Variants in PCDHGA2 observed in about 807,000 individuals in gnomAD.
PCDHGA2 encodes the protein protocadherin gamma-A2.
Under a neutral mutation model 59.2 loss-of-function variants are expected in PCDHGA2, and 40 were observed. The ratio of observed to expected loss-of-function variants is 0.68; its 90% CI spans 0.52 to 0.88. The LOEUF is 0.88. Ranked by LOEUF, PCDHGA2 falls within the 40% of genes least tolerant of loss-of-function variation. The pLI is 0.00. For missense variants in PCDHGA2, 1,226 were observed against 1,204.0 expected (o/e 1.02, Z -0.27); for synonymous variants, 560 against 526.0 (o/e 1.06, Z -0.89).
At chr5:141,416,717 A>G (rs1227713508) in intron 1 of PCDHGA2, 1 of 152,256 alleles carries the variant, frequency 6.6e-6, no homozygotes, top group Admixed American at 6.5e-5. Flanking sequence ...GGTACTGATG[A>G]GTTCATTTAG....
chr5:141,371,768 C>G, intron 1 of PCDHGA2: 1 of 1,614,032 alleles, frequency 6.2e-7, no homozygotes, highest in East Asian at 2.2e-5. Flanking sequence ...CCTCCTACAC[C>G]GTGCATGTAG....
chr5:141,392,649 C>G, intron 1 of PCDHGA2: 1 of 703,200 alleles, frequency 1.4e-6, no homozygotes, highest in Non-Finnish European at 2.2e-6. Flanking sequence ...CACGAAGACC[C>G]GCAGATGCCA....
rs2099697431 is a variant in PCDHGA2 at position 141,490,222 on chromosome 5, C to T, written c.2425-4585C>T. The T allele has an allele frequency of 6.2e-7, 1 of 1,614,094 alleles. No homozygotes were observed. Among genetic ancestry groups the T allele is most frequent in the African/African-American group, 1.3e-5 (1 of 74,934 alleles). On this transcript the variant is annotated intron_variant, in intron 1 of 3. Coordinates refer to ENST00000394576, the MANE Select transcript of PCDHGA2 (RefSeq NM_018915.4). This position sits in a 1 kb window ranked among gnomAD's most constrained non-coding sequence, Gnocchi z 5.4. The stretch of plus-strand genomic sequence containing the variant: ...TGCAAGAGCCCGTGACCAGGGACAG[C>T]CTGCCATGGAGGGCCACTGTGTGAT...
At chr5:141,421,218 A>G (rs969154252) in intron 1 of PCDHGA2, 1 of 1,570,664 alleles carries the variant, frequency 6.4e-7, no homozygotes, top group Admixed American at 1.9e-5. Flanking sequence ...ATATCGGCTT[A>G]GAGCCTGCCA....
intron 1 of PCDHGA2, chr5:141,383,918 T>A (rs1779590334): frequency 3.7e-6 from 6 of 1,613,948 alleles, no homozygotes; most frequent in Non-Finnish European, 5.1e-6. Flanking sequence ...GTTTTAGATG[T>A]AAATGATAAT....
rs766164142 is a variant in PCDHGA2, at chr5:141,477,910, G to A, written c.2425-16897G>A. On this transcript the variant is annotated intron_variant, in intron 1 of 3. Transcript: ENST00000394576. The surrounding 1 kb of genome is among the most constrained non-coding windows in gnomAD (Gnocchi z 4.9). ...TGTCACGGGTGGTAGGCTGGGACGC[G>A]GATGCAGGGCACAATGCCTGGCTCT... 6.2e-7 allele frequency: 1 copy of A among 1,614,166 alleles called. No individual in the cohort carries two copies. Among genetic ancestry groups the A allele is most frequent in the Admixed American group, 1.7e-5 (1 of 60,020 alleles).
intron 1 of PCDHGA2, chr5:141,426,833 G>T: frequency 2.2e-6 from 1 of 456,680 alleles, no homozygotes; most frequent in Non-Finnish European, 4.4e-6. Flanking sequence ...TGATGGACAA[G>T]ACTAAAGGCA....
At chr5:141,434,807 A>G (rs2097718601) in intron 1 of PCDHGA2, among the ~76,000 whole-genome samples, 1 of 152,016 alleles carries the variant, frequency 6.6e-6, no homozygotes, top group South Asian at 2.1e-4. Context: ...AGCTTGGAGA[A>G]ATATATCCCT....
At chr5:141,371,875 G>T in intron 1 of PCDHGA2, 1 of 1,613,506 alleles carries the variant, frequency 6.2e-7, no homozygotes, top group Non-Finnish European at 8.5e-7. Context: ...ATCGTGGCCA[G>T]TGACCTGGAG....
chr5:141,364,186 T>A, intron 1 of PCDHGA2: 18 of 1,005,938 alleles, frequency 1.8e-5, no homozygotes, highest in Non-Finnish European at 2.5e-5. Flanking sequence ...CCCTCCATAC[T>A]AAACACACAG....
chr5:141,511,342 C>T lies in PCDHGA2; in HGVS notation c.*169C>T. On this transcript the variant is annotated 3_prime_UTR_variant, in exon 4 of 4. Transcript: ENST00000394576. The stretch of plus-strand genomic sequence containing the variant: ...AACAAGTGCCCAGTCAGCACCTACC[C>T]CTTCCCCCCCAGGGGGTTGAATATG... The T allele has an allele frequency of 7.0e-7, 1 of 1,425,078 alleles. No individual in the cohort carries two copies. Among genetic ancestry groups the T allele is most frequent in the East Asian group, 2.5e-5 (1 of 40,014 alleles). 88.3% of individuals were successfully genotyped at this position (1,425,078 alleles called of 1,614,324 possible). A position where few individuals can be genotyped will look rare whatever the true frequency, so the allele number is the denominator to read the frequency against.
Position 141,476,591 on chromosome 5 carries a change from G to T in PCDHGA2, c.2425-18216G>T, listed in dbSNP as rs200254399. The T allele has an allele frequency of 6.2e-7, 1 of 1,614,230 alleles. No homozygotes were observed. The highest frequency in any genetic ancestry group is 8.5e-7 in the Non-Finnish European group (1 of 1,180,046). On this transcript the variant is annotated intron_variant, in intron 1 of 3. Transcript: ENST00000394576. The surrounding 1 kb of genome is among the most constrained non-coding windows in gnomAD (Gnocchi z 7.6). The stretch of plus-strand genomic sequence containing the variant: ...GGGGACGCGCTTTCCGCTCGAGAGC[G>T]CGCACGATCCCGATGTGGGAAGCAA...
In PCDHGA2 at chr5:141,476,477, G is replaced by T. The variant is rs768824553; in HGVS notation, c.2425-18330G>T. The T allele has an allele frequency of 1.9e-6, 3 of 1,614,078 alleles. No homozygotes were observed. The highest frequency in any genetic ancestry group is 1.7e-5 in the Admixed American group (1 of 60,016). Reference sequence around the variant, plus strand: ...GGAGAACCCGCTGGAGCTGTTCAGCGTGGAAGTGGTGATCCAGGACATCAA... The same window carrying T: ...GGAGAACCCGCTGGAGCTGTTCAGCTTGGAAGTGGTGATCCAGGACATCAA... On this transcript the variant is annotated intron_variant, in intron 1 of 3. Coordinates refer to ENST00000394576, the MANE Select transcript of PCDHGA2 (RefSeq NM_018915.4). This position sits in a 1 kb window ranked among gnomAD's most constrained non-coding sequence, Gnocchi z 7.6.
intron 1 of PCDHGA2, chr5:141,409,668 A>G: frequency 6.2e-7 from 1 of 1,613,398 alleles, no homozygotes; most frequent in Non-Finnish European, 8.5e-7. Context: ...CACATCTCCT[A>G]CTCTATAGTG....
At chr5:141,502,660 A>T (rs1423714257) in intron 2 of PCDHGA2, among the ~76,000 whole-genome samples, 2 of 152,208 alleles carry the variant, frequency 1.3e-5, no homozygotes, top group African/African-American at 4.8e-5. Flanking sequence ...GCAACCCTTC[A>T]TGCAATTTTA....
At chr5:141,470,574 CA>C (rs1369567985) in intron 1 of PCDHGA2, among the ~76,000 whole-genome samples, 1 of 152,188 alleles carries the variant, frequency 6.6e-6, no homozygotes, top group Non-Finnish European at 1.5e-5. Flanking sequence ...CAAGCAGGAT[CA>C]ACTTCATAGG....
At chr5:141,378,196 A>T (rs1197830416) in intron 1 of PCDHGA2, 1 of 152,188 alleles carries the variant, frequency 6.6e-6, no homozygotes, top group Non-Finnish European at 1.5e-5. Flanking sequence ...TGCCTACTAC[A>T]GTGTCTTTTG....
At chr5:141,438,637 C>T (rs11958903) in intron 1 of PCDHGA2, among the ~76,000 whole-genome samples, 3,503 of 30,116 alleles carry the variant, frequency 0.12, 108 homozygotes, top group Non-Finnish European at 0.15. Context: ...TATATATATA[C>T]ACACACACAC....
intron 1 of PCDHGA2, chr5:141,350,778 A>G: frequency 1.2e-6 from 2 of 1,613,974 alleles, no homozygotes; most frequent in Non-Finnish European, 1.7e-6. Context: ...AACCCCAATC[A>G]ATACTTCTCT....
Sources: allele counts gnomAD v4.1 joint callset (sites outside exome capture counted in the v4.1 genomes callset), GRCh38; gene constraint gnomAD v4.1.1; non-coding constraint Gnocchi (gnomAD v3.1); transcripts MANE v1.5; gene names NCBI Gene and HGNC (gene_info 2026-07-23, HGNC 2026-07-21).